AHNAK: variants seen among roughly 807,000 people sequenced by gnomAD.
AHNAK encodes neuroblast differentiation-associated protein AHNAK.
In AHNAK, 23 loss-of-function variants were observed where a neutral mutation model predicts 37.8. The ratio of observed to expected loss-of-function variants is 0.61; its 90% confidence interval spans 0.44 to 0.86. The LOEUF (loss-of-function observed/expected upper bound fraction) is 0.86, where lower values mean the gene tolerates loss of function less well. AHNAK is among the 40% of genes least tolerant of loss of function. The probability of loss-of-function intolerance (pLI) is 0.00; values close to 1 mark genes in which losing one functional copy is unlikely to be tolerated. For missense variants in AHNAK, 7,411 were observed against 7,319.4 expected (o/e 1.01, Z -0.46); for synonymous variants, 2,481 against 2,636.3 (o/e 0.94, Z 1.80).
chr11:62,439,368 TTACA>T (rs1316140342), intron 5 of AHNAK, among the ~76,000 whole-genome samples: 3 of 152,068 alleles, frequency 2.0e-5, no homozygotes, highest in Middle Eastern at 3.4e-3. Context: ...AGTGCTGGGA[TTACA>T]GGCGTGAGCC....
At chr11:62,497,548 A>T (rs1939632591) in intron 4 of AHNAK, among the ~76,000 whole-genome samples, 1 of 152,244 alleles carries the variant, frequency 6.6e-6, no homozygotes, top group South Asian at 2.1e-4. Context: ...TTACTAAGTA[A>T]CAGAAGACAT....
rs761816916 is a variant in AHNAK at position 62,533,640 on chromosome 11, A to C, written c.777T>G (p.Asn259Lys). The change falls in exon 5 of 5, where the codon AAT (asparagine) becomes AAG (lysine). Residue 259 changes from asparagine (N) to lysine (K), a missense_variant. Physicochemically the swap from Asn to Lys is moderately conservative, Grantham distance 94 (BLOSUM62 0). Coordinates refer to ENST00000378024, the MANE Select transcript of AHNAK (RefSeq NM_001620.3). Reference sequence around the variant, plus strand: ...CCAAGTCCAAGCCCTTTGCATTGACATTGACACCTGAGCCTCCCACCTTTA... The same window carrying C: ...CCAAGTCCAAGCCCTTTGCATTGACCTTGACACCTGAGCCTCCCACCTTTA... ...PGIKVGGSGV[N>K]VNAKGLDLGG... is the part of the protein sequence containing the mutation. 2 of 1,613,996 alleles carry C rather than the reference A, an allele frequency of 1.2e-6. No homozygotes were observed. Among genetic ancestry groups the C allele is most frequent in the African/African-American group, 2.7e-5 (2 of 74,894 alleles).
chr11:62,474,527 C>T lies in AHNAK; in HGVS notation c.442+17205G>A, dbSNP rs529965634. On this transcript the variant is annotated intron_variant, in intron 5 of 5. Transcript: ENST00000257247. ...CCAGCTCCCCAGTGATTCTTATGCA[C>T]CTTAAGTGGAAGAACTGAGAATTGC... Among the ~76,000 whole-genome samples, 256 of 152,274 alleles carry T rather than the reference C, an allele frequency of 1.7e-3. 1 individual carries two copies. Among genetic ancestry groups the T allele is most frequent in the African/African-American group, 5.8e-3 (239 of 41,550 alleles).
At position 62,531,488 on chromosome 11, in the gene AHNAK, C is replaced by T. The variant is rs1465066052; in HGVS notation, c.2929G>A (p.Gly977Ser). The change falls in exon 5 of 5, where the codon GGC (glycine) becomes AGC (serine). Residue 977 changes from glycine to serine, a missense_variant. Coordinates refer to ENST00000378024, the MANE Select transcript of AHNAK (RefSeq NM_001620.3). The part of the protein sequence containing the change: ...TVPKLEGDLK[G>S]PKVDVSAPDV... ...GGGGCACTGACATCTACTTTTGGGC[C>T]TTTCAGGTCCCCTTCCAGCTTTGGC... 1 of 1,614,190 alleles carries T rather than the reference C, an allele frequency of 6.2e-7. No individual in the cohort carries two copies.
intron 5 of AHNAK, among the ~76,000 whole-genome samples, chr11:62,480,391 G>C (rs1273762527): frequency 6.6e-6 from 1 of 152,104 alleles, no homozygotes; most frequent in Admixed American, 6.6e-5. Context: ...GCCAGGCACA[G>C]TGACTCACGC....
chr11:62,535,311 G>GA, intron 3 of AHNAK, 121 bp from the exon 4 acceptor site: 2 of 874,606 alleles, frequency 2.3e-6, no homozygotes, highest in Non-Finnish European at 3.5e-6. Flanking sequence ...AGGTGGGCAT[G>GA]GTAATACCCA....
chr11:62,529,345 C>A lies in AHNAK; in HGVS notation c.5072G>T (p.Gly1691Val). The A allele has an allele frequency of 6.2e-7, 1 of 1,614,014 alleles. No homozygotes were observed. Among genetic ancestry groups the A allele is most frequent in the Middle Eastern group, 1.6e-4 (1 of 6,062 alleles). The change falls in exon 5 of 5, where the codon GGG becomes GTG. Residue 1691 changes from glycine to valine, a missense_variant. By Grantham distance (109) the Gly-to-Val change is moderately radical. Transcript: ENST00000378024. ...EMKVPDVDIK[G>V]PKVDIDAPDV... is the part of the protein sequence containing the mutation. ...TGGGGCATCAATGTCCACTTTGGGCCCTTTAATGTCAACATCTGGCACTTT... is the reference window on the plus strand; with the variant it reads ...TGGGGCATCAATGTCCACTTTGGGCACTTTAATGTCAACATCTGGCACTTT...
Position 62,535,078 on chromosome 11 carries a change from C to T in AHNAK, c.267G>A (p.Lys89=), listed in dbSNP as rs371738779. Residue 89 remains lysine (K), a synonymous_variant, in exon 4 of 5, where the codon AAG becomes AAA. Transcript: ENST00000378024. The stretch of plus-strand genomic sequence containing the variant: ...GGCCAGGCTCGGGAGAGCGGTCCCC[C>T]TTGCGGTGCAGCTTCAGGCCCACCG... ...HHTVGLKLHR[K]GDRSPEPGQT... 8 of 1,614,064 alleles carry T rather than the reference C, an allele frequency of 5.0e-6. No homozygotes were observed. In the Admixed American group the frequency reaches 1.2e-4, roughly 24 times the overall value.
intron 5 of AHNAK, among the ~76,000 whole-genome samples, chr11:62,480,629 C>A (rs1939249224): frequency 6.6e-6 from 1 of 151,058 alleles, no homozygotes; most frequent in Admixed American, 6.6e-5. Context: ...CCATTGCACT[C>A]CAGCCTGGGT....
chr11:62,521,503 A>G lies in AHNAK; in HGVS notation c.12914T>C (p.Val4305Ala), dbSNP rs1379442698. ...GPKVDIDAPD[V>A]DVHGPDWHLK... The stretch of plus-strand genomic sequence containing the variant: ...GTGCCAGTCTGGGCCATGAACATCT[A>G]CATCAGGGGCATCGATGTCCACTTT... Residue 4305 changes from valine (V) to alanine (A), a missense_variant, in exon 5 of 5, where the codon GTA becomes GCA. Coordinates refer to ENST00000378024, the MANE Select transcript of AHNAK (RefSeq NM_001620.3). 1.2e-6 allele frequency: 2 copies of G among 1,612,536 alleles called. No individual in the cohort carries two copies. Among genetic ancestry groups the G allele is most frequent in the African/African-American group, 2.7e-5 (2 of 74,456 alleles).
At chr11:62,478,673 A>C (rs1031397325) in intron 5 of AHNAK, among the ~76,000 whole-genome samples, 3 of 148,334 alleles carry the variant, frequency 2.0e-5, no homozygotes, top group African/African-American at 5.0e-5. Context: ...GCTTGAACCC[A>C]GGAGATCGAT....
rs772163638 is a variant in AHNAK at position 62,525,437 on chromosome 11, C to G, written c.8980G>C (p.Gly2994Arg). The G allele has an allele frequency of 1.2e-6, 2 of 1,613,408 alleles. No individual in the cohort carries two copies. The highest frequency in any genetic ancestry group is 1.7e-6 in the Non-Finnish European group (2 of 1,179,870). The change falls in exon 5 of 5, where the codon GGC becomes CGC. Residue 2994 changes from glycine to arginine, a missense_variant. Gly to Arg is a moderately radical substitution (Grantham distance 125). Transcript: ENST00000378024. ...GGACCCCTGATGTCAACTTCAGGGCCCTTGAGGTCACCTTCCACTTTGGGC... is the reference window on the plus strand; with the variant it reads ...GGACCCCTGATGTCAACTTCAGGGCGCTTGAGGTCACCTTCCACTTTGGGC... Reference protein sequence around the residue: ...SLPKVEGDLKGPEVDIRGPQV... With the variant: ...SLPKVEGDLKRPEVDIRGPQV...
Position 62,524,414 on chromosome 11 carries a change from C to T in AHNAK, c.10003G>A (p.Asp3335Asn). Residue 3335 changes from aspartate (D) to asparagine (N), a missense_variant, in exon 5 of 5, where the codon GAC (aspartate) becomes AAC (asparagine). By Grantham distance (23) the Asp-to-Asn change is conservative. Coordinates refer to ENST00000378024, the MANE Select transcript of AHNAK (RefSeq NM_001620.3). The part of the protein sequence containing the change: ...PSLDIKGPEV[D>N]VSGPKLNIEG... ...ATATTAAGCTTAGGACCGGAAACGT[C>T]CACTTCTGGGCCCTTTATATCCAAA... The T allele has an allele frequency of 6.2e-7, 1 of 1,612,390 alleles. No individual in the cohort carries two copies. The highest frequency in any genetic ancestry group is 1.3e-5 in the African/African-American group (1 of 74,856).
At position 62,522,150 on chromosome 11, in the gene AHNAK, A is replaced by G; in HGVS notation, c.12267T>C (p.Ile4089=). 1.9e-6 allele frequency: 3 copies of G among 1,613,394 alleles called. No homozygotes were observed. Among genetic ancestry groups the G allele is most frequent in the Non-Finnish European group, 2.5e-6 (3 of 1,179,884 alleles). Residue 4089 remains isoleucine (I), a synonymous_variant, in exon 5 of 5, where the codon ATT becomes ATC. Transcript: ENST00000378024. ...TGTCCACTTTGGGTCCTGAGACATCAATGTCAGCTTTGGGCAAATTAACAT... is the reference window on the plus strand; with the variant it reads ...TGTCCACTTTGGGTCCTGAGACATCGATGTCAGCTTTGGGCAAATTAACAT... The part of the protein sequence containing the change: ...EVDVNLPKAD[I]DVSGPKVDID...
rs145354148 is a variant in AHNAK at position 62,519,427 on chromosome 11, T to G, written c.14990A>C (p.Asp4997Ala). 2 of 1,612,058 alleles carry G rather than the reference T, an allele frequency of 1.2e-6. No individual in the cohort carries two copies. Among genetic ancestry groups the G allele is most frequent in the African/African-American group, 2.7e-5 (2 of 74,736 alleles). Reference protein sequence around the residue: ...PKADIKSPSLDVTVPEAELNL... With the variant: ...PKADIKSPSLAVTVPEAELNL... ...CAGCTCTGCCTCAGGAACAGTGACA[T>G]CCAGTGAAGGTGACTTGATGTCAGC... The change falls in exon 5 of 5, where the codon GAT becomes GCT. Residue 4997 changes from aspartate to alanine, a missense_variant. Asp to Ala is a moderately radical substitution (Grantham distance 126, BLOSUM62 -2). Coordinates refer to ENST00000378024, the MANE Select transcript of AHNAK (RefSeq NM_001620.3).
chr11:62,510,030 TTATTG>T (rs966107989), intron 4 of AHNAK, among the ~76,000 whole-genome samples: 5 of 152,106 alleles, frequency 3.3e-5, no homozygotes, highest in Admixed American at 1.3e-4. Flanking sequence ...CTGAATTTAA[TTATTG>T]TATTGGAGTT....
Position 62,529,358 on chromosome 11 carries a change from C to T in AHNAK, c.5059G>A (p.Val1687Ile). 1.9e-6 allele frequency: 3 copies of T among 1,614,090 alleles called. No homozygotes were observed. The highest frequency in any genetic ancestry group is 2.5e-6 in the Non-Finnish European group (3 of 1,180,016). Residue 1687 changes from valine (V) to isoleucine (I), a missense_variant, in exon 5 of 5, where the codon GTT (valine) becomes ATT (isoleucine). Transcript: ENST00000378024. Reference protein sequence around the residue: ...KVEGEMKVPDVDIKGPKVDID... With the variant: ...KVEGEMKVPDIDIKGPKVDID... ...TCCACTTTGGGCCCTTTAATGTCAA[C>T]ATCTGGCACTTTCATTTCACCTTCT... is the stretch of plus-strand genomic sequence containing the variant.
chr11:62,439,869 T>C (rs1246010827), intron 5 of AHNAK, among the ~76,000 whole-genome samples: 5 of 151,898 alleles, frequency 3.3e-5, no homozygotes, highest in African/African-American at 1.2e-4. Context: ...GGTTTTGCCA[T>C]GTTAGCCAGG....
At chr11:62,506,904 A>G (rs1366541006) in intron 4 of AHNAK, among the ~76,000 whole-genome samples, 4 of 152,198 alleles carry the variant, frequency 2.6e-5, no homozygotes, top group Admixed American at 2.6e-4. Flanking sequence ...AAATGGGTGT[A>G]TGTCCCAGTT....
Sources: allele counts gnomAD v4.1 joint callset (sites outside exome capture counted in the v4.1 genomes callset), GRCh38; gene constraint gnomAD v4.1.1; transcripts MANE v1.5; gene names NCBI Gene and HGNC (gene_info 2026-07-23, HGNC 2026-07-21).